SGCD: variants seen among roughly 807,000 people sequenced by gnomAD.
The protein encoded by SGCD is sarcoglycan delta.
SGCD carries 18 observed loss-of-function variants against 36.6 expected under a neutral mutation model. That is an observed-to-expected ratio of 0.49 (90% confidence interval 0.34 to 0.73). The LOEUF (loss-of-function observed/expected upper bound fraction) is 0.73, where lower values mean the gene tolerates loss of function less well. Ranked by LOEUF, SGCD falls within the 30% of genes least tolerant of loss-of-function variation. SGCD has a pLI of 0.01. For synonymous variants in SGCD, 133 were observed against 130.6 expected, an observed-to-expected ratio of 1.02 and a Z score of -0.12; for missense variants, 387 against 346.7, an observed-to-expected ratio of 1.12 and a Z score of -0.92.
At chr5:156,153,902 A>G (rs967380183) in intron 3 of SGCD, among the ~76,000 whole-genome samples, 1 of 151,692 alleles carries the variant, frequency 6.6e-6, no homozygotes, top group Non-Finnish European at 1.5e-5. Flanking sequence ...GACTGCTTTC[A>G]AGATTAACCA....
At chr5:156,001,026 C>T (rs987392202) in intron 1 of SGCD, among the ~76,000 whole-genome samples, 12 of 152,026 alleles carry the variant, frequency 7.9e-5, no homozygotes, top group African/African-American at 2.9e-4. Context: ...TGGGACCATC[C>T]AAGGGATATC....
intron 7 of SGCD, among the ~76,000 whole-genome samples, chr5:156,653,912 TAGAC>T: frequency 6.6e-6 from 1 of 152,140 alleles, no homozygotes; most frequent in Admixed American, 6.6e-5. Context: ...CAAACAGAGC[TAGAC>T]AGACTCTTGA....
chr5:155,755,464 T>G, the SGCD span, among the ~76,000 whole-genome samples: 1 of 152,222 alleles, frequency 6.6e-6, no homozygotes, highest in East Asian at 1.9e-4. Context: ...ATTTGCTTTG[T>G]GGAGGAAAAC....
chr5:156,607,181 T>C (rs1437776081), intron 6 of SGCD, among the ~76,000 whole-genome samples: 4 of 152,182 alleles, frequency 2.6e-5, no homozygotes, highest in African/African-American at 9.7e-5. Context: ...TGGCTGTGGG[T>C]TTGTCATAGA....
chr5:155,933,122 T>C (rs191043649), intron 1 of SGCD, among the ~76,000 whole-genome samples: 2 of 152,214 alleles, frequency 1.3e-5, no homozygotes, highest in Admixed American at 6.5e-5. Context: ...CCTTGGCCTA[T>C]CAGTCTGACT....
chr5:156,171,065 C>T (rs1224975616), intron 3 of SGCD, among the ~76,000 whole-genome samples: 2 of 152,008 alleles, frequency 1.3e-5, no homozygotes, highest in Non-Finnish European at 2.9e-5. Context: ...TTTTTTCTCA[C>T]ATTAAAAGTT....
chr5:156,477,207 A>G (rs1294148933), intron 3 of SGCD, among the ~76,000 whole-genome samples: 4 of 152,160 alleles, frequency 2.6e-5, no homozygotes, highest in African/African-American at 7.2e-5. Flanking sequence ...AATGGTACCA[A>G]CAAAATATGG....
intron 1 of SGCD, among the ~76,000 whole-genome samples, chr5:156,007,020 T>C (rs1017984167): frequency 1.3e-5 from 2 of 152,240 alleles, no homozygotes; most frequent in Admixed American, 1.3e-4. Context: ...CTGGTTCAAC[T>C]GCACACCTTG....
At chr5:156,097,358 C>T (rs570970100) in intron 1 of SGCD, among the ~76,000 whole-genome samples, 142 of 151,928 alleles carry the variant, frequency 9.3e-4, no homozygotes, top group African/African-American at 3.4e-3. Context: ...TTATTAGCAC[C>T]CTTTTGTTAT....
chr5:156,275,892 T>C (rs1766307625), intron 3 of SGCD, among the ~76,000 whole-genome samples: 1 of 152,162 alleles, frequency 6.6e-6, no homozygotes, highest in South Asian at 2.1e-4. Flanking sequence ...TAAAACCATG[T>C]AACTACCATT....
intron 1 of SGCD, among the ~76,000 whole-genome samples, chr5:156,112,362 G>C (rs1761807186): frequency 6.6e-6 from 1 of 152,224 alleles, no homozygotes; most frequent in East Asian, 1.9e-4. Flanking sequence ...GAAGGGTGAG[G>C]GAAAAATAAT....
Position 156,059,777 on chromosome 5 carries a change from C to T in SGCD, c.-281-58101C>T, listed in dbSNP as rs1760156570. On this transcript the variant is annotated intron_variant, in intron 1 of 9. Transcript: ENST00000517913. ...GGAAACAGTGCACATGCAATAAATA[C>T]AAGTCGTTTCGTGGCTATTGCTGGT... is the stretch of plus-strand genomic sequence containing the variant. 4.1e-5 allele frequency among the ~76,000 whole-genome samples: 6 copies of T among 147,038 alleles called. 1 individual carries two copies.
intron 6 of SGCD, among the ~76,000 whole-genome samples, chr5:156,600,047 C>T (rs1761127073): frequency 1.3e-5 from 2 of 151,942 alleles, no homozygotes; most frequent in South Asian, 4.2e-4. Flanking sequence ...TTTCAATTGA[C>T]ACATTACAGG....
At chr5:156,754,210 C>T (rs1276877368) in intron 7 of SGCD, among the ~76,000 whole-genome samples, 1 of 152,134 alleles carries the variant, frequency 6.6e-6, no homozygotes, top group East Asian at 1.9e-4. Flanking sequence ...AAGAATAAAG[C>T]GAATTCTAAT....
At chr5:156,590,724 A>T (rs1179304396) in intron 5 of SGCD, among the ~76,000 whole-genome samples, 1 of 151,900 alleles carries the variant, frequency 6.6e-6, no homozygotes, top group Non-Finnish European at 1.5e-5. Context: ...TATTCAGCAA[A>T]AGAGTGAGTC....
At chr5:156,481,966 A>G (rs1405846134) in intron 3 of SGCD, among the ~76,000 whole-genome samples, 3 of 152,222 alleles carry the variant, frequency 2.0e-5, no homozygotes, top group African/African-American at 7.2e-5. Flanking sequence ...ACAGTGACTC[A>G]GGAATCAGCG....
intron 7 of SGCD, among the ~76,000 whole-genome samples, chr5:156,655,141 A>G (rs10053950): frequency 0.031 from 4,736 of 152,254 alleles, 166 homozygotes; most frequent in African/African-American, 0.079. Flanking sequence ...TGGATTCAAA[A>G]GACCACAACT....
At chr5:156,606,983 G>A (rs148208831) in intron 6 of SGCD, among the ~76,000 whole-genome samples, 19,314 of 152,088 alleles carry the variant, frequency 0.13, 1,815 homozygotes, top group Admixed American at 0.29. Context: ...CAATCATGTC[G>A]TCTGCAAACA....
At chr5:156,061,694 T>C (rs1390482084) in intron 1 of SGCD, among the ~76,000 whole-genome samples, 1 of 145,244 alleles carries the variant, frequency 6.9e-6, no homozygotes, top group African/African-American at 2.5e-5. Context: ...TAGGAAGAAA[T>C]AGAAAACTAG....
Sources: gnomAD v4.1 joint callset for allele counts (sites outside exome capture counted in the v4.1 genomes callset) on GRCh38, gnomAD v4.1.1 for gene constraint, MANE v1.5 for transcripts, NCBI Gene and HGNC (gene_info 2026-07-23, HGNC 2026-07-21) for gene names.